MLXIP: variants seen among roughly 807,000 people sequenced by gnomAD.
MLXIP encodes the protein MLX interacting protein.
MLXIP carries 30 observed loss-of-function variants against 87.2 expected under a neutral mutation model. That is an observed-to-expected ratio of 0.34 (90% CI 0.26 to 0.47). The LOEUF (loss-of-function observed/expected upper bound fraction) is 0.47. MLXIP is among the 20% of genes least tolerant of loss of function. The pLI is 1.00. For missense variants in MLXIP, 1,002 were observed against 1,240.1 expected, an observed-to-expected ratio of 0.81 and a Z score of 2.88; for synonymous variants, 530 against 514.0, an observed-to-expected ratio of 1.03 and a Z score of -0.42.
At chr12:122,099,062 A>G (rs1228965529) in intron 1 of MLXIP, among the ~76,000 whole-genome samples, 2 of 152,206 alleles carry the variant, frequency 1.3e-5, no homozygotes, top group Non-Finnish European at 2.9e-5. Flanking sequence ...ACATAGCAAG[A>G]TCTTCTACAA....
At chr12:122,134,205 G>GTT (rs57471735) in intron 9 of MLXIP, 40,991 of 492,038 alleles carry the variant, frequency 0.083, 2,286 homozygotes, top group African/African-American at 0.32. Flanking sequence ...TTTTTGTTTG[G>GTT]TTTTTTTTTT....
At chr12:122,125,268 G>A (rs1027412963) in intron 1 of MLXIP, among the ~76,000 whole-genome samples, 2 of 151,456 alleles carry the variant, frequency 1.3e-5, no homozygotes, top group African/African-American at 2.4e-5. Context: ...GGAGGCGGAA[G>A]TTGCAGTGAG....
In MLXIP at chr12:122,079,135, G is replaced by A. The variant is rs1448947905; in HGVS notation, c.282G>A (p.Lys94=). The A allele has an allele frequency of 1.3e-6, 2 of 1,550,568 alleles. No individual in the cohort carries two copies. The highest frequency in any genetic ancestry group is 1.7e-6 in the Non-Finnish European group (2 of 1,146,700). ...CGCCGCACCGAGAGCACCCGCCCAA[G>A]AAGGGCTACGATTTCGACACGGTCA... ...VSSPHREHPP[K]KGYDFDTVNK... is the part of the protein sequence containing the mutation. The change falls in exon 1 of 17, where the codon AAG becomes AAA. Residue 94 remains lysine (K), a synonymous_variant. Transcript: ENST00000319080.
intron 1 of MLXIP, among the ~76,000 whole-genome samples, chr12:122,109,096 C>T (rs1284100859): frequency 6.6e-6 from 1 of 152,204 alleles, no homozygotes; most frequent in Non-Finnish European, 1.5e-5. Flanking sequence ...CCACACCTGG[C>T]TAATTTTTGT....
intron 1 of MLXIP, among the ~76,000 whole-genome samples, chr12:122,084,815 T>C (rs151279957): frequency 0.037 from 5,684 of 152,276 alleles, 369 homozygotes; most frequent in African/African-American, 0.13. Context: ...CCCAAAGTGC[T>C]GAGGTTACAG....
intron 1 of MLXIP, among the ~76,000 whole-genome samples, chr12:122,099,757 T>G (rs1315202283): frequency 6.6e-6 from 1 of 152,226 alleles, no homozygotes; most frequent in Non-Finnish European, 1.5e-5. Flanking sequence ...TGTGTGGCTA[T>G]ATGAGGAATA....
chr12:122,141,458 C>A (rs779779004), intron 16 of MLXIP, among the ~76,000 whole-genome samples: 1 of 152,154 alleles, frequency 6.6e-6, no homozygotes, highest in Non-Finnish European at 1.5e-5. Flanking sequence ...GCACCAGGAA[C>A]AGCATAGGAT....
chr12:122,127,886 T>C lies in MLXIP; in HGVS notation c.524T>C (p.Leu175Pro), dbSNP rs1000795792. 16 of 1,613,498 alleles carry C rather than the reference T, an allele frequency of 9.9e-6. No individual in the cohort carries two copies. Among genetic ancestry groups the C allele is most frequent in the Non-Finnish European group, 1.3e-5 (15 of 1,179,656 alleles). Reference sequence around the variant, plus strand: ...CTCTCACCCTCTCTCTGCTCAGATCTGGAGAAGCGCAAGAATCCTGTGTGC... The same window carrying C: ...CTCTCACCCTCTCTCTGCTCAGATCCGGAGAAGCGCAAGAATCCTGTGTGC... ...AIWRAWYMQY[L>P]EKRKNPVCHF... is the part of the protein sequence containing the mutation. Residue 175 changes from leucine (L) to proline (P), a missense_variant, in exon 3 of 17, where the codon CTG becomes CCG. Physicochemically the swap from Leu to Pro is moderately conservative, Grantham distance 98 (BLOSUM62 -3). Around this residue, in one of 3 missense-constraint regions of MLXIP, gnomAD observed 127 missense variants for 239.0 expected, o/e 0.53. Coordinates refer to ENST00000319080, the MANE Select transcript of MLXIP (RefSeq NM_014938.6).
At chr12:122,115,220 A>C (rs1952671129) in intron 1 of MLXIP, among the ~76,000 whole-genome samples, 2 of 152,174 alleles carry the variant, frequency 1.3e-5, no homozygotes, top group African/African-American at 4.8e-5. Flanking sequence ...AAAAGCTTAA[A>C]AGATAAAAGT....
intron 2 of MLXIP, 123 bp from the exon 3 acceptor site, chr12:122,127,760 G>T: frequency 1.3e-6 from 1 of 748,752 alleles, no homozygotes; most frequent in South Asian, 1.6e-5. Context: ...CCTTTTCCTA[G>T]GGAAGGAGAA....
chr12:122,121,669 G>A (rs138478036), intron 1 of MLXIP, among the ~76,000 whole-genome samples: 433 of 152,210 alleles, frequency 2.8e-3, no homozygotes, highest in Non-Finnish European at 4.9e-3. Flanking sequence ...GGCCATGCCC[G>A]GCCTGCCCTC....
rs574797911 is a variant in MLXIP at position 122,135,548 on chromosome 12, G to T, written c.1914G>T (p.Thr638=). The T allele has an allele frequency of 1.9e-6, 3 of 1,605,012 alleles. No homozygotes were observed. The highest frequency in any genetic ancestry group is 2.7e-5 in the African/African-American group (2 of 74,374). Residue 638 remains threonine, a synonymous_variant, in exon 11 of 17, where the codon ACG becomes ACT. Coordinates refer to ENST00000319080, the MANE Select transcript of MLXIP (RefSeq NM_014938.6). The surrounding 1 kb of genome is among the most constrained non-coding windows in gnomAD (Gnocchi z 5.3). The part of the protein sequence containing the change: ...SILVTDLGHG[T]SSPPAPVSRL... ...TGGTGACAGATCTCGGCCATGGCAC[G>T]AGCAGCCCGCCTGCCCCCGTCTCCC...
intron 1 of MLXIP, among the ~76,000 whole-genome samples, chr12:122,107,282 C>T (rs1180187201): frequency 6.6e-6 from 1 of 152,058 alleles, no homozygotes; most frequent in African/African-American, 2.4e-5. Context: ...CTAATAAAGA[C>T]ATTTCTGCCT....
intron 1 of MLXIP, among the ~76,000 whole-genome samples, chr12:122,121,301 C>T (rs1313399430): frequency 6.9e-6 from 1 of 144,744 alleles, no homozygotes; most frequent in Admixed American, 7.0e-5. Flanking sequence ...AGCCACTGTG[C>T]CCAGCCTTTT....
At chr12:122,109,153 G>A (rs903740955) in intron 1 of MLXIP, among the ~76,000 whole-genome samples, 1 of 152,140 alleles carries the variant, frequency 6.6e-6, no homozygotes, top group African/African-American at 2.4e-5. Context: ...TGCTGGTCTC[G>A]AACTCCTGAC....
chr12:122,134,521 C>A lies in MLXIP; in HGVS notation c.1732+534C>A, dbSNP rs140378943. The stretch of plus-strand genomic sequence containing the variant: ...TAGCTGGGATTACAGGCGCCCATCA[C>A]TACACCCAGCTAATTTTTTGTATTT... On this transcript the variant is annotated intron_variant, in intron 9 of 16. Coordinates refer to ENST00000319080, the MANE Select transcript of MLXIP (RefSeq NM_014938.6). The A allele has an allele frequency of 2.5e-3, 395 of 157,764 alleles. 1 individual carries two copies. The highest frequency in any genetic ancestry group is 4.6e-3 in the Non-Finnish European group (331 of 71,856). 9.8% of individuals were successfully genotyped at this position (157,764 alleles called of 1,614,324 possible). A position where few individuals can be genotyped will look rare whatever the true frequency, so the allele number is the denominator to read the frequency against.
intron 1 of MLXIP, among the ~76,000 whole-genome samples, chr12:122,079,717 C>T (rs1420085929): frequency 6.6e-6 from 1 of 152,216 alleles, no homozygotes; most frequent in African/African-American, 2.4e-5. Context: ...CTGTTTCCTC[C>T]TTTATAAAAG....
intron 1 of MLXIP, among the ~76,000 whole-genome samples, chr12:122,101,987 T>C (rs979515975): frequency 2.0e-5 from 3 of 152,238 alleles, no homozygotes; most frequent in African/African-American, 4.8e-5. Flanking sequence ...AGTTAAATAG[T>C]CCTTTGATGA....
rs1048152384 is a variant in MLXIP at position 122,133,179 on chromosome 12, G to A, written c.1093-169G>A. On this transcript the variant is annotated intron_variant, in intron 8 of 16. Coordinates refer to ENST00000319080, the MANE Select transcript of MLXIP (RefSeq NM_014938.6). The surrounding 1 kb of genome is among the most constrained non-coding windows in gnomAD (Gnocchi z 4.9). ...ATGGAAACAAGACCCCCGCAGACAC[G>A]CAGGGAAACACAAATCCCTATCAGA... The A allele has an allele frequency of 7.4e-6, 5 of 673,960 alleles. No homozygotes were observed. The highest frequency in any genetic ancestry group is 3.7e-5 in the African/African-American group (2 of 54,780). 41.7% of individuals were successfully genotyped at this position (673,960 alleles called of 1,614,324 possible). A position where few individuals can be genotyped will look rare whatever the true frequency, so the allele number is the denominator to read the frequency against.
Sources: allele counts gnomAD v4.1 joint callset (sites outside exome capture counted in the v4.1 genomes callset), GRCh38; gene constraint gnomAD v4.1.1; regional missense constraint gnomAD v4.1.1; non-coding constraint Gnocchi (gnomAD v3.1); transcripts MANE v1.5; gene names NCBI Gene and HGNC (gene_info 2026-07-23, HGNC 2026-07-21).